NELL2: variants seen among roughly 807,000 people sequenced by gnomAD.
NELL2 encodes protein kinase C-binding protein NELL2.
A neutral mutation model predicts 109.6 loss-of-function variants in NELL2; 41 were observed. The ratio of observed to expected loss-of-function variants is 0.37; its 90% confidence interval spans 0.29 to 0.49. The LOEUF (loss-of-function observed/expected upper bound fraction) is 0.49, where lower values mean the gene tolerates loss of function less well. NELL2 is among the 20% of genes least tolerant of loss of function. The pLI, the probability that NELL2 is intolerant of heterozygous loss-of-function variation, is 0.98. For synonymous variants in NELL2, 355 were observed against 344.7 expected, an observed-to-expected ratio of 1.03 and a Z score of -0.33; for missense variants, 900 against 1,008.3, an observed-to-expected ratio of 0.89 and a Z score of 1.45.
In NELL2 at chr12:44,797,938, A is replaced by AGACGGAAT. The variant is rs1942685385; in HGVS notation, c.336-17917_336-17916insATTCCGTC. Among the ~76,000 whole-genome samples, 4 of 48,536 alleles carry AGACGGAAT rather than the reference A, an allele frequency of 8.2e-5. 1 individual carries two copies. The highest frequency in any genetic ancestry group is 7.7e-4 in the Admixed American group (3 of 3,900). 31.8% of individuals were successfully genotyped at this position (48,536 alleles called of 152,430 possible). A position where few individuals can be genotyped will look rare whatever the true frequency, so the allele number is the denominator to read the frequency against. On this transcript the variant is annotated intron_variant, in intron 3 of 19. Transcript: ENST00000429094. ...TGATGGAATAAAACCATTCCATCCT[A>AGACGGAAT]GATGGAATGATGGAATAAAATCATT...
intron 15 of NELL2, among the ~76,000 whole-genome samples, chr12:44,543,335 C>G (rs184961493): frequency 6.6e-6 from 1 of 152,110 alleles, no homozygotes; most frequent in Admixed American, 6.6e-5. Context: ...TATCTAGAAT[C>G]TACTAATCAC....
At chr12:44,560,390 C>A (rs1466023313) in intron 15 of NELL2, among the ~76,000 whole-genome samples, 1 of 152,056 alleles carries the variant, frequency 6.6e-6, no homozygotes. Context: ...AATCCAGGAG[C>A]TGGTTTTTTG....
intron 16 of NELL2, among the ~76,000 whole-genome samples, chr12:44,530,430 A>G (rs571588533): frequency 5.9e-5 from 9 of 152,246 alleles, no homozygotes; most frequent in Non-Finnish European, 5.9e-5. Context: ...GAAATGAAGT[A>G]GGAATGCTGG....
chr12:44,805,229 AT>A (rs1046344113), intron 3 of NELL2, among the ~76,000 whole-genome samples: 1 of 151,976 alleles, frequency 6.6e-6, no homozygotes, highest in African/African-American at 2.4e-5. Flanking sequence ...TACCAATGAA[AT>A]TTTTTTCATA....
intron 9 of NELL2, among the ~76,000 whole-genome samples, chr12:44,739,375 G>C (rs545507974): frequency 6.6e-6 from 1 of 152,220 alleles, no homozygotes; most frequent in Admixed American, 6.5e-5. Flanking sequence ...TGTACAAATA[G>C]CTAGATTAGA....
intron 15 of NELL2, among the ~76,000 whole-genome samples, chr12:44,572,206 A>G (rs927990859): frequency 1.3e-5 from 2 of 152,182 alleles, no homozygotes; most frequent in African/African-American, 2.4e-5. Flanking sequence ...CAGTAGTATG[A>G]TCACAGCTCA....
At chr12:44,807,443 T>A (rs773591399) in intron 3 of NELL2, among the ~76,000 whole-genome samples, 31 of 151,660 alleles carry the variant, frequency 2.0e-4, no homozygotes, top group African/African-American at 7.5e-4. Context: ...TGGTATTAGA[T>A]AGTAAATCAT....
At chr12:44,776,581 T>C (rs988206924) in intron 7 of NELL2, among the ~76,000 whole-genome samples, 3 of 152,162 alleles carry the variant, frequency 2.0e-5, no homozygotes, top group Non-Finnish European at 4.4e-5. Context: ...CTATACAAAA[T>C]TACAAGTCTA....
At chr12:44,895,615 T>G (rs1310267471) in intron 1 of NELL2, among the ~76,000 whole-genome samples, 2 of 151,916 alleles carry the variant, frequency 1.3e-5, no homozygotes, top group East Asian at 1.9e-4. Flanking sequence ...TTCTAACCCA[T>G]GTTTCCATTA....
intron 3 of NELL2, among the ~76,000 whole-genome samples, chr12:44,801,142 A>G (rs1364207625): frequency 6.6e-6 from 1 of 152,190 alleles, no homozygotes; most frequent in Non-Finnish European, 1.5e-5. Flanking sequence ...CCAAAATGCT[A>G]GAAATCTTAC....
chr12:44,523,541 A>G (rs1378436754), intron 16 of NELL2, 57 bp from the exon 17 acceptor site: 3 of 1,499,516 alleles, frequency 2.0e-6, no homozygotes, highest in African/African-American at 2.7e-5. Context: ...GTTTCAAACA[A>G]CTGCAATCAG....
At chr12:44,518,891 C>T (rs1340967859) in intron 19 of NELL2, among the ~76,000 whole-genome samples, 1 of 152,142 alleles carries the variant, frequency 6.6e-6, no homozygotes, top group Non-Finnish European at 1.5e-5. Context: ...TTTAAATTTG[C>T]TAATGCATTT....
chr12:44,860,173 G>A (rs764116672), intron 2 of NELL2, among the ~76,000 whole-genome samples: 11 of 152,162 alleles, frequency 7.2e-5, no homozygotes, highest in East Asian at 1.9e-4. Context: ...CATAAAGACT[G>A]AATTGACATG....
chr12:44,522,955 G>A (rs531279391), intron 17 of NELL2: 1 of 275,742 alleles, frequency 3.6e-6, no homozygotes, highest in Non-Finnish European at 7.0e-6. Context: ...AGAGATATAG[G>A]TACAATAGGA....
rs933267423 is a variant in NELL2, at chr12:44,703,833, C to G, written c.1211G>C (p.Arg404Thr). ...GATGGAATTCTCCATGCAGTTATGC[C>G]TTTCAGAACAAAAGTCATAACCTAC... ...VCKGYDFCSE[R>T]HNCMENSICR... The change falls in exon 12 of 20, where the codon AGG becomes ACG. Residue 404 changes from arginine (R) to threonine (T), a missense_variant. This residue lies in a region of NELL2 where 292 missense variants were observed against 265.3 expected (regional missense o/e 1.10). Transcript: ENST00000429094. 6.8e-6 allele frequency: 11 copies of G among 1,612,568 alleles called. No individual in the cohort carries two copies. The Admixed American group carries it at 1.2e-4, about 17-fold the overall frequency.
intron 11 of NELL2, among the ~76,000 whole-genome samples, chr12:44,706,885 T>C (rs1192170054): frequency 6.6e-6 from 1 of 152,194 alleles, no homozygotes; most frequent in Non-Finnish European, 1.5e-5. Context: ...TAAAGTTCTA[T>C]GTTTTTCTAT....
chr12:44,868,456 C>A (rs941411412), intron 2 of NELL2, among the ~76,000 whole-genome samples: 3 of 152,156 alleles, frequency 2.0e-5, no homozygotes, highest in African/African-American at 7.2e-5. Flanking sequence ...TTAGGTTGAT[C>A]TCACATCTTG....
At chr12:44,525,062 T>C (rs963184111) in intron 16 of NELL2, among the ~76,000 whole-genome samples, 3 of 152,180 alleles carry the variant, frequency 2.0e-5, no homozygotes, top group African/African-American at 7.2e-5. Context: ...CAAACCATAG[T>C]TATTTGGTCT....
chr12:44,599,433 A>G (rs1380683739), intron 15 of NELL2, among the ~76,000 whole-genome samples: 1 of 152,186 alleles, frequency 6.6e-6, no homozygotes, highest in Non-Finnish European at 1.5e-5. Context: ...CTAGAAATTA[A>G]AAAGTTATTA....
Sources: allele counts gnomAD v4.1 joint callset (sites outside exome capture counted in the v4.1 genomes callset), GRCh38; gene constraint gnomAD v4.1.1; regional missense constraint gnomAD v4.1.1; transcripts MANE v1.5; gene names NCBI Gene and HGNC (gene_info 2026-07-23, HGNC 2026-07-21).